Variants in MIDN observed in about 807,000 individuals in gnomAD.
The protein encoded by MIDN is midbrain nucleolar protein.
Under a neutral mutation model 46.1 loss-of-function variants are expected in MIDN, and 26 were observed. The ratio of observed to expected loss-of-function variants is 0.56; its 90% CI spans 0.41 to 0.78. The LOEUF (loss-of-function observed/expected upper bound fraction) is 0.78, where lower values mean the gene tolerates loss of function less well. Among genes scored for constraint, MIDN ranks in the 30% least tolerant of loss-of-function variants. The pLI, the probability that MIDN is intolerant of heterozygous loss-of-function variation, is 0.00. For missense variants in MIDN, 850 were observed against 771.8 expected, an observed-to-expected ratio of 1.10 and a Z score of -1.20; for synonymous variants, 432 against 343.3, an observed-to-expected ratio of 1.26 and a Z score of -2.86.
Position 1,257,514 on chromosome 19 carries a change from C to CTTT in MIDN, c.*243_*244insTTT. On this transcript the variant is annotated 3_prime_UTR_variant, in exon 9 of 9. Transcript: ENST00000682408. ...TCCTTCACCCTTCACTCCTGCCCTCCTCTTCCTCCTCCTCCTCCTCCTCCG... is the reference window on the plus strand; with the variant it reads ...TCCTTCACCCTTCACTCCTGCCCTCCTTTTCTTCCTCCTCCTCCTCCTCCTCCG... 2.3e-6 allele frequency: 1 copy of CTTT among 442,250 alleles called. No individual in the cohort carries two copies. The highest frequency in any genetic ancestry group is 3.2e-5 in the South Asian group (1 of 30,812). The allele number at this position is 442,250 out of a possible 1,614,324, so 27.4% of individuals were successfully genotyped here.
intron 7 of MIDN, 103 bp from the exon 8 acceptor site, chr19:1,255,319 T>C (rs1430519578): frequency 1.4e-5 from 19 of 1,397,098 alleles, no homozygotes; most frequent in Non-Finnish European, 1.6e-5. Flanking sequence ...AGCCCACATG[T>C]CCACGCCATT....
intron 4 of MIDN, among the ~76,000 whole-genome samples, chr19:1,252,450 A>G (rs990142874): frequency 6.6e-6 from 1 of 151,646 alleles, no homozygotes; most frequent in African/African-American, 2.4e-5. Context: ...CCCTGGGGCC[A>G]GTGAGGCCTA....
In MIDN at chr19:1,253,983, T is replaced by C. The variant is rs1452540736; in HGVS notation, c.414T>C (p.Ala138=). 2.2e-6 allele frequency: 3 copies of C among 1,394,212 alleles called. No homozygotes were observed. The highest frequency in any genetic ancestry group is 1.6e-5 in the South Asian group (1 of 63,542). 86.4% of individuals were successfully genotyped at this position (1,394,212 alleles called of 1,614,324 possible). A position where few individuals can be genotyped will look rare whatever the true frequency, so the allele number is the denominator to read the frequency against. The change falls in exon 5 of 9, where the codon GCT becomes GCC. Residue 138 remains alanine (A), a synonymous_variant. Transcript: ENST00000682408. ...CAGCGGCGCCCGGGCCGGGCCGGGC[T>C]GGCGGAGGAGGCTTCCGGAAATACA... ...QPPAAPGPGR[A]GGGGFRKYRF...
In MIDN at chr19:1,254,293, G is replaced by T. The variant is rs769262895; in HGVS notation, c.640G>T (p.Ala214Ser). 5 of 1,569,858 alleles carry T rather than the reference G, an allele frequency of 3.2e-6. 1 individual carries two copies. The South Asian group carries it at 4.5e-5, about 14-fold the overall frequency. The change falls in exon 6 of 9, where the codon GCT becomes TCT. Residue 214 changes from alanine (A) to serine (S), a missense_variant. By Grantham distance (99) the Ala-to-Ser change is moderately conservative. Coordinates refer to ENST00000682408, the MANE Select transcript of MIDN (RefSeq NM_001388306.1). ...ACTGCAACACCGCCATGTGCTGGCC[G>T]CTGCGGCCGCCGCCGCTGCTGCGCG... ...APLQHRHVLA[A>S]AAAAAAARGD...
Position 1,256,978 on chromosome 19 carries a change from C to T in MIDN, c.1259-17C>T, listed in dbSNP as rs1478350684. The T allele has an allele frequency of 6.2e-7, 1 of 1,605,808 alleles. No individual in the cohort carries two copies. Among genetic ancestry groups the T allele is most frequent in the Non-Finnish European group, 8.5e-7 (1 of 1,179,710 alleles). On this transcript the variant is annotated splice_polypyrimidine_tract_variant and intron_variant, in intron 8 of 8. Coordinates refer to ENST00000682408, the MANE Select transcript of MIDN (RefSeq NM_001388306.1). ...GGTGGAGGCTTTGGGAGTCACAGGC[C>T]ACTACCTCCTTTGCAGGGGACCGGC...
In MIDN at chr19:1,255,706, C is replaced by T. The variant is rs757849953; in HGVS notation, c.1258+12C>T. On this transcript the variant is annotated intron_variant, in intron 8 of 8. Coordinates refer to ENST00000682408, the MANE Select transcript of MIDN (RefSeq NM_001388306.1). Reference sequence around the variant, plus strand: ...GTGCAAGCCCCCGGGTGAGTGGCCACCCTCGGGGGTCCTACCTTCCCCGCC... The same window carrying T: ...GTGCAAGCCCCCGGGTGAGTGGCCATCCTCGGGGGTCCTACCTTCCCCGCC... 11 of 1,551,404 alleles carry T rather than the reference C, an allele frequency of 7.1e-6. No homozygotes were observed. Among genetic ancestry groups the T allele is most frequent in the Non-Finnish European group, 8.7e-6 (10 of 1,152,642 alleles).
In MIDN at chr19:1,250,278, C is replaced by A; in HGVS notation, c.-19C>A. 2.1e-6 allele frequency: 2 copies of A among 946,606 alleles called. No homozygotes were observed. Among genetic ancestry groups the A allele is most frequent in the Non-Finnish European group, 2.5e-6 (2 of 795,242 alleles). 58.6% of individuals were successfully genotyped at this position (946,606 alleles called of 1,614,324 possible). On this transcript the variant is annotated 5_prime_UTR_variant, in exon 2 of 9. Transcript: ENST00000682408. Reference sequence around the variant, plus strand: ...ATTGGCGGCGCCCGCCGCCCCCAGCCCCCCAGCGCGCGCCGGGGATGGAGC... The same window carrying A: ...ATTGGCGGCGCCCGCCGCCCCCAGCACCCCAGCGCGCGCCGGGGATGGAGC...
rs1251134744 is a variant in MIDN, at chr19:1,258,795, A to C, written c.*1523A>C. The stretch of plus-strand genomic sequence containing the variant: ...TTTTGTTTTGTTTTCATTTTTCCAA[A>C]AAAAAAAGAAAAAAAAATAGAAAAA... On this transcript the variant is annotated 3_prime_UTR_variant, in exon 9 of 9. Transcript: ENST00000682408. 1 of 151,964 alleles carries C rather than the reference A, an allele frequency of 6.6e-6. No homozygotes were observed. The highest frequency in any genetic ancestry group is 2.1e-4 in the South Asian group (1 of 4,826). 9.4% of individuals were successfully genotyped at this position (151,964 alleles called of 1,614,324 possible).
intron 4 of MIDN, among the ~76,000 whole-genome samples, chr19:1,252,559 TC>T (rs1599979702): frequency 6.6e-6 from 1 of 151,852 alleles, no homozygotes; most frequent in Admixed American, 6.6e-5. Context: ...TTTTTTTTTT[TC>T]TCCTTCTTTC....
At chr19:1,255,732 C>A in intron 8 of MIDN, 38 bp downstream of exon 8, 1 of 1,497,176 alleles carries the variant, frequency 6.7e-7, no homozygotes, top group Non-Finnish European at 8.9e-7. Flanking sequence ...CTTCCCCGCC[C>A]GCCTGGGCTT....
intron 4 of MIDN, among the ~76,000 whole-genome samples, chr19:1,252,870 G>A (rs1389941027): frequency 5.3e-5 from 8 of 152,170 alleles, no homozygotes; most frequent in African/African-American, 1.9e-4. Flanking sequence ...AGTGGCGTGG[G>A]GGCAGAGCCG....
chr19:1,254,896 C>T lies in MIDN; in HGVS notation c.826-6C>T. On this transcript the variant is annotated splice_region_variant and splice_polypyrimidine_tract_variant and intron_variant, in intron 6 of 8. Transcript: ENST00000682408. ...CCCGTGCTCATGTGCCCCTTCCTCC[C>T]ATCAGCAGATGGACTGCTCCCCCAC... is the stretch of plus-strand genomic sequence containing the variant. 2 of 1,598,670 alleles carry T rather than the reference C, an allele frequency of 1.3e-6. No homozygotes were observed. Among genetic ancestry groups the T allele is most frequent in the Non-Finnish European group, 1.7e-6 (2 of 1,171,704 alleles).
In MIDN at chr19:1,255,477, C is replaced by T. The variant is rs2081188029; in HGVS notation, c.1041C>T (p.Gly347=). Residue 347 remains glycine (G), a synonymous_variant, in exon 8 of 9, where the codon GGC becomes GGT. Transcript: ENST00000682408. ...GCGGGCGGCCGCGGCGTGACATCGG[C>T]ACCATCCTGCAGATCCTGAACGACC... The part of the protein sequence containing the change: ...DSSGRPRRDI[G]TILQILNDLL... 1.2e-6 allele frequency: 2 copies of T among 1,609,854 alleles called. No individual in the cohort carries two copies. The highest frequency in any genetic ancestry group is 1.7e-6 in the Non-Finnish European group (2 of 1,178,766).
chr19:1,250,420 C>A lies in MIDN; in HGVS notation c.124C>A (p.Arg42Ser). The A allele has an allele frequency of 7.3e-7, 1 of 1,363,294 alleles. No homozygotes were observed. The highest frequency in any genetic ancestry group is 9.6e-7 in the Non-Finnish European group (1 of 1,036,352). 84.4% of individuals were successfully genotyped at this position (1,363,294 alleles called of 1,614,324 possible). ...CGCCATCCACAGCACCACGGGCACCCGCTACGACCTGGCCGTGCCGCCCGA... is the reference window on the plus strand; with the variant it reads ...CGCCATCCACAGCACCACGGGCACCAGCTACGACCTGGCCGTGCCGCCCGA... Reference protein sequence around the residue: ...SLAIHSTTGTRYDLAVPPDET... With the variant: ...SLAIHSTTGTSYDLAVPPDET... The change falls in exon 2 of 9, where the codon CGC becomes AGC. Residue 42 changes from arginine to serine, a missense_variant. Physicochemically the swap from Arg to Ser is moderately radical, Grantham distance 110. Coordinates refer to ENST00000682408, the MANE Select transcript of MIDN (RefSeq NM_001388306.1).
intron 4 of MIDN, chr19:1,253,743 G>A (rs925704892): frequency 2.6e-4 from 65 of 248,710 alleles, no homozygotes; most frequent in Non-Finnish European, 2.7e-4. Flanking sequence ...GACTTAGCTG[G>A]GAGGGGGCCT....
chr19:1,253,157 G>C (rs548918458), intron 4 of MIDN, among the ~76,000 whole-genome samples: 2 of 152,140 alleles, frequency 1.3e-5, no homozygotes, highest in South Asian at 4.1e-4. Flanking sequence ...GGCGGGTGGT[G>C]GTGGGGACTC....
In MIDN at chr19:1,259,095, A is replaced by AG. The variant is rs397977680; in HGVS notation, c.*1823_*1824insG. ...ACATAAAATTGAAAAAAAAAAAAAA[A>AG]CCTACACGAGCACCGTGATTTCAAG... On this transcript the variant is annotated 3_prime_UTR_variant, in exon 9 of 9. Coordinates refer to ENST00000682408, the MANE Select transcript of MIDN (RefSeq NM_001388306.1). The AG allele has an allele frequency of 6.6e-6, 1 of 151,232 alleles. No individual in the cohort carries two copies. The highest frequency in any genetic ancestry group is 6.6e-5 in the Admixed American group (1 of 15,188). 9.4% of individuals were successfully genotyped at this position (151,232 alleles called of 1,614,324 possible).
At position 1,258,174 on chromosome 19, in the gene MIDN, G is replaced by C. The variant is rs1020526628; in HGVS notation, c.*902G>C. The C allele has an allele frequency of 6.6e-6, 1 of 152,626 alleles. No homozygotes were observed. Among genetic ancestry groups the C allele is most frequent in the African/African-American group, 2.4e-5 (1 of 41,476 alleles). The allele number at this position is 152,626 out of a possible 1,614,324, so 9.5% of individuals were successfully genotyped here. On this transcript the variant is annotated 3_prime_UTR_variant, in exon 9 of 9. Coordinates refer to ENST00000682408, the MANE Select transcript of MIDN (RefSeq NM_001388306.1). ...TTAATTTTCTGACTGAGCCAATAGTGGTTGGGGAACTCTTGAAAAAGGGGA... is the reference window on the plus strand; with the variant it reads ...TTAATTTTCTGACTGAGCCAATAGTCGTTGGGGAACTCTTGAAAAAGGGGA...
At position 1,255,456 on chromosome 19, in the gene MIDN, G is replaced by C. The variant is rs1347698388; in HGVS notation, c.1020G>C (p.Gly340=). The change falls in exon 8 of 9, where the codon GGG becomes GGC. Residue 340 remains glycine, a synonymous_variant. Transcript: ENST00000682408. ...TLHPNCQDSS[G]RPRRDIGTIL... ...ACCCCAACTGCCAAGACAGCAGCGGGCGGCCGCGGCGTGACATCGGCACCA... is the reference window on the plus strand; with the variant it reads ...ACCCCAACTGCCAAGACAGCAGCGGCCGGCCGCGGCGTGACATCGGCACCA... The C allele has an allele frequency of 1.2e-6, 2 of 1,603,204 alleles. No homozygotes were observed. Among genetic ancestry groups the C allele is most frequent in the Non-Finnish European group, 8.5e-7 (1 of 1,175,636 alleles).
Sources: allele counts gnomAD v4.1 joint callset (sites outside exome capture counted in the v4.1 genomes callset), GRCh38; gene constraint gnomAD v4.1.1; transcripts MANE v1.5; gene names NCBI Gene and HGNC (gene_info 2026-07-23, HGNC 2026-07-21).